TNRC18: variants seen among roughly 807,000 people sequenced by gnomAD.
TNRC18 encodes trinucleotide repeat-containing gene 18 protein.
TNRC18 carries 69 observed loss-of-function variants against 226.7 expected under a neutral mutation model. The observed-to-expected ratio is 0.30, with a 90% confidence interval of 0.25 to 0.37. The LOEUF is 0.37. TNRC18 is among the 10% of genes least tolerant of loss of function. TNRC18 has a pLI of 1.00. For missense variants in TNRC18, 4,754 were observed against 4,256.6 expected, an observed-to-expected ratio of 1.12 and a Z score of -3.25; for synonymous variants, 2,449 against 1,927.6, an observed-to-expected ratio of 1.27 and a Z score of -7.09.
intron 16 of TNRC18, among the ~76,000 whole-genome samples, chr7:5,353,562 G>GAAAA (rs35875231): frequency 4.6e-5 from 4 of 86,546 alleles, no homozygotes; most frequent in African/African-American, 1.2e-4. Flanking sequence ...ATCATCTAAA[G>GAAAA]AAAAAAAAAA....
intron 13 of TNRC18, 25 bp downstream of exon 13, chr7:5,361,872 C>T (rs775003147): frequency 1.2e-4 from 176 of 1,524,858 alleles, no homozygotes; most frequent in Non-Finnish European, 1.4e-4. Flanking sequence ...AGGGGCCCCA[C>T]GGGGCGGGCG....
chr7:5,345,714 A>G lies in TNRC18; in HGVS notation c.5567T>C (p.Leu1856Pro). 6.5e-7 allele frequency: 1 copy of G among 1,548,672 alleles called. No homozygotes were observed. Among genetic ancestry groups the G allele is most frequent in the Non-Finnish European group, 8.7e-7 (1 of 1,146,762 alleles). ...GYRLGARERA[L>P]SPGLEESGLG... ...CCCACTCTCCTCCAGGCCCGGTGAC[A>G]GGGCCCGCTCCCGGGCACCCAGCCT... The change falls in exon 18 of 30, where the codon CTG becomes CCG. Residue 1856 changes from leucine (L) to proline (P), a missense_variant. Coordinates refer to ENST00000430969, the MANE Select transcript of TNRC18 (RefSeq NM_001080495.3).
Position 5,312,657 on chromosome 7 carries a change from G to A in TNRC18, c.8234C>T (p.Ala2745Val). ...CTCTCTCTTCTTGGGTCGGCTCTTG[G>A]CCCCGGCCTGAGCCTTGGGCTGCAG... ...QPLQPKAQAG[A>V]KSRPKKREGV... The change falls in exon 27 of 30, where the codon GCC (alanine) becomes GTC (valine). Residue 2745 changes from alanine to valine, a missense_variant. Coordinates refer to ENST00000430969, the MANE Select transcript of TNRC18 (RefSeq NM_001080495.3). The surrounding 1 kb of genome is among the most constrained non-coding windows in gnomAD (Gnocchi z 6.3). The A allele has an allele frequency of 1.2e-6, 2 of 1,608,040 alleles. No homozygotes were observed. The highest frequency in any genetic ancestry group is 1.7e-6 in the Non-Finnish European group (2 of 1,178,362).
rs769217530 is a variant in TNRC18 at position 5,388,034 on chromosome 7, C to A, written c.1790G>T (p.Arg597Leu). 3.2e-6 allele frequency: 5 copies of A among 1,564,800 alleles called. No homozygotes were observed. The highest frequency in any genetic ancestry group is 1.2e-5 in the South Asian group (1 of 85,488). ...SLIKYSGSFARDAVAVRPGGC... is the reference protein window; with the variant it reads ...SLIKYSGSFALDAVAVRPGGC... Reference sequence around the variant, plus strand: ...ACCAGGGCGCACGGCCACGGCGTCCCGGGCAAAGCTGCCACTGTACTTTAT... The same window carrying A: ...ACCAGGGCGCACGGCCACGGCGTCCAGGGCAAAGCTGCCACTGTACTTTAT... Residue 597 changes from arginine (R) to leucine (L), a missense_variant, in exon 5 of 30, where the codon CGG (arginine) becomes CTG (leucine). By Grantham distance (102) the Arg-to-Leu change is moderately radical. Coordinates refer to ENST00000430969, the MANE Select transcript of TNRC18 (RefSeq NM_001080495.3).
At position 5,308,442 on chromosome 7, in the gene TNRC18, CAG is replaced by C. The variant is rs1209273476; in HGVS notation, c.8701-132_8701-131del. 1.8e-5 allele frequency: 15 copies of C among 824,728 alleles called. No individual in the cohort carries two copies. The East Asian group carries it at 4.0e-4, about 22-fold the overall frequency. 51.1% of individuals were successfully genotyped at this position (824,728 alleles called of 1,614,324 possible). Reference sequence around the variant, plus strand: ...ACTGAGACAGAGACCAAGTCAGAGACAGAGGCTGAGTAAGAGACAGACCAACA... The same window carrying C: ...ACTGAGACAGAGACCAAGTCAGAGACAGGCTGAGTAAGAGACAGACCAACA... On this transcript the variant is annotated intron_variant, in intron 29 of 29. Transcript: ENST00000430969.
chr7:5,396,024 A>C (rs183776245), intron 2 of TNRC18, among the ~76,000 whole-genome samples: 301 of 121,580 alleles, frequency 2.5e-3, no homozygotes, highest in Non-Finnish European at 4.6e-3. Context: ...GCTAAAAATT[A>C]GCTGGGCGTG....
At chr7:5,398,981 G>A (rs1780894242) in intron 2 of TNRC18, among the ~76,000 whole-genome samples, 1 of 152,148 alleles carries the variant, frequency 6.6e-6, no homozygotes, top group Non-Finnish European at 1.5e-5. Flanking sequence ...ATTAGGGTGA[G>A]GAGAGGATCA....
At chr7:5,346,483 T>G (rs1361208238) in intron 17 of TNRC18, among the ~76,000 whole-genome samples, 1 of 151,524 alleles carries the variant, frequency 6.6e-6, no homozygotes, top group Non-Finnish European at 1.5e-5. Context: ...GTGACAAGAG[T>G]GAGACTCAGT....
rs1786670898 is a variant in TNRC18, at chr7:5,307,565, C to T, written c.*541G>A. 2.2e-6 allele frequency: 1 copy of T among 450,382 alleles called. No individual in the cohort carries two copies. Among genetic ancestry groups the T allele is most frequent in the Non-Finnish European group, 4.5e-6 (1 of 224,408 alleles). 27.9% of individuals were successfully genotyped at this position (450,382 alleles called of 1,614,324 possible). A position where few individuals can be genotyped will look rare whatever the true frequency, so the allele number is the denominator to read the frequency against. On this transcript the variant is annotated 3_prime_UTR_variant, in exon 30 of 30. Transcript: ENST00000430969. ...CTCTGTTCCCCAAGTCTAGGCCATC[C>T]TGAGAGGGTGGGGGCAGGGCCCCTG...
chr7:5,345,517 GCCCCTCCCACCCACCCCCACC>G, intron 18 of TNRC18, 24 bp downstream of exon 18: 1 of 377,742 alleles, frequency 2.6e-6, no homozygotes, highest in Non-Finnish European at 4.8e-6. Context: ...AATGGCGTCC[GCCCCTCCCACCCACCCCCACC>G]GCAGCCCACC....
chr7:5,327,293 A>C (rs1789010454), intron 19 of TNRC18, among the ~76,000 whole-genome samples: 1 of 152,182 alleles, frequency 6.6e-6, no homozygotes, highest in Non-Finnish European at 1.5e-5. Flanking sequence ...AGAAACAAAA[A>C]ATGGTATGTT....
At chr7:5,333,415 G>A (rs1287744950) in intron 18 of TNRC18, among the ~76,000 whole-genome samples, 3 of 152,360 alleles carry the variant, frequency 2.0e-5, no homozygotes, top group Admixed American at 6.5e-5. Context: ...AAGGCAGGCA[G>A]GCGGGGAAAC....
rs1426972776 is a variant in TNRC18, at chr7:5,421,334, A to G, written c.-88T>C. 4 of 1,171,380 alleles carry G rather than the reference A, an allele frequency of 3.4e-6. No homozygotes were observed. The highest frequency in any genetic ancestry group is 4.3e-6 in the Non-Finnish European group (4 of 935,224). The allele number at this position is 1,171,380 out of a possible 1,614,324, so 72.6% of individuals were successfully genotyped here. A position where few individuals can be genotyped will look rare whatever the true frequency, so the allele number is the denominator to read the frequency against. ...AAAAGTTCGGCCTCGGCGTAGTCCCAGAGTCCTCGGGCGGCGGGGGCTCCG... is the reference window on the plus strand; with the variant it reads ...AAAAGTTCGGCCTCGGCGTAGTCCCGGAGTCCTCGGGCGGCGGGGGCTCCG... On this transcript the variant is annotated 5_prime_UTR_variant, in exon 2 of 30. Coordinates refer to ENST00000430969, the MANE Select transcript of TNRC18 (RefSeq NM_001080495.3).
intron 19 of TNRC18, among the ~76,000 whole-genome samples, chr7:5,326,225 G>C (rs35035156): frequency 0.012 from 1,863 of 151,524 alleles, 19 homozygotes; most frequent in South Asian, 0.023. Context: ...AGGCTACGCA[G>C]ACACAACCAT....
At chr7:5,359,708 T>C (rs1474778072) in intron 14 of TNRC18, 139 bp from the exon 15 acceptor site, 2 of 861,760 alleles carry the variant, frequency 2.3e-6, no homozygotes, top group Non-Finnish European at 1.9e-6. Context: ...CGTGGGGAGA[T>C]GGATCTTGTA....
At position 5,356,980 on chromosome 7, in the gene TNRC18, C is replaced by T. The variant is rs1189181971; in HGVS notation, c.5130G>A (p.Lys1710=). The change falls in exon 16 of 30, where the codon AAG becomes AAA. Residue 1710 remains lysine, a synonymous_variant. Coordinates refer to ENST00000430969, the MANE Select transcript of TNRC18 (RefSeq NM_001080495.3). The part of the protein sequence containing the change: ...AKTRKMEVGF[K]ARGQPKSAHS... ...GGGCCGACTTGGGCTGGCCTCTGGC[C>T]TTGAACCCCACCTCCATCTTCCTGG... The T allele has an allele frequency of 1.3e-6, 2 of 1,552,202 alleles. No individual in the cohort carries two copies. The highest frequency in any genetic ancestry group is 1.7e-6 in the Non-Finnish European group (2 of 1,147,092).
rs1224140878 is a variant in TNRC18 at position 5,421,356 on chromosome 7, T to A, written c.-110A>T. 5 of 1,061,384 alleles carry A rather than the reference T, an allele frequency of 4.7e-6. No individual in the cohort carries two copies. The highest frequency in any genetic ancestry group is 4.8e-6 in the Non-Finnish European group (4 of 839,842). The allele number at this position is 1,061,384 out of a possible 1,614,324, so 65.7% of individuals were successfully genotyped here. ...CCCAGAGTCCTCGGGCGGCGGGGGCTCCGCGGCGTGCATGGCGGCGGCCAG... is the reference window on the plus strand; with the variant it reads ...CCCAGAGTCCTCGGGCGGCGGGGGCACCGCGGCGTGCATGGCGGCGGCCAG... On this transcript the variant is annotated 5_prime_UTR_variant, in exon 2 of 30. Coordinates refer to ENST00000430969, the MANE Select transcript of TNRC18 (RefSeq NM_001080495.3).
At chr7:5,360,516 C>T (rs1792924870) in intron 14 of TNRC18, among the ~76,000 whole-genome samples, 1 of 152,182 alleles carries the variant, frequency 6.6e-6, no homozygotes, top group Non-Finnish European at 1.5e-5. Context: ...AGGCGTGAGC[C>T]ACCGTGGCCA....
chr7:5,385,494 CAAAAAAAAA>C (rs60919833), intron 5 of TNRC18, among the ~76,000 whole-genome samples: 27 of 88,122 alleles, frequency 3.1e-4, no homozygotes, highest in African/African-American at 8.5e-4. Flanking sequence ...GACTCCGTCT[CAAAAAAAAA>C]AAAAAAAAAA....
Sources: allele counts gnomAD v4.1 joint callset (sites outside exome capture counted in the v4.1 genomes callset), GRCh38; gene constraint gnomAD v4.1.1; non-coding constraint Gnocchi (gnomAD v3.1); transcripts MANE v1.5; gene names NCBI Gene and HGNC (gene_info 2026-07-23, HGNC 2026-07-21).